Variants in RYR2 observed in about 807,000 individuals in gnomAD.
RYR2 encodes the protein cardiac muscle ryanodine receptor-calcium release channel.
RYR2 carries 227 observed loss-of-function variants against 601.1 expected under a neutral mutation model. That is an observed-to-expected ratio of 0.38 (90% CI 0.34 to 0.42). The LOEUF is 0.42. Ranked by LOEUF, RYR2 falls within the 10% of genes least tolerant of loss-of-function variation. RYR2 has a pLI of 1.00. For missense variants in RYR2, 4,646 were observed against 6,156.5 expected, an observed-to-expected ratio of 0.75 and a Z score of 8.21; for synonymous variants, 2,223 against 2,175.1, an observed-to-expected ratio of 1.02 and a Z score of -0.61.
chr1:237,314,267 T>C (rs1018055266), intron 2 of RYR2, among the ~76,000 whole-genome samples: 1 of 151,992 alleles, frequency 6.6e-6, no homozygotes. Context: ...GGTTTCACCA[T>C]GTTAGCCAGG....
At chr1:237,719,981 G>A (rs1476103536) in intron 73 of RYR2, among the ~76,000 whole-genome samples, 1 of 152,244 alleles carries the variant, frequency 6.6e-6, no homozygotes, top group Non-Finnish European at 1.5e-5. Flanking sequence ...GAGAAGAGAA[G>A]CGTGTACAGT....
intron 34 of RYR2, among the ~76,000 whole-genome samples, chr1:237,597,684 C>T (rs1159053067): frequency 6.6e-6 from 1 of 151,864 alleles, no homozygotes; most frequent in Non-Finnish European, 1.5e-5. Flanking sequence ...GAAAAAATTG[C>T]AGCAGTCACA....
At chr1:237,478,979 T>A (rs1661723556) in intron 17 of RYR2, among the ~76,000 whole-genome samples, 1 of 152,250 alleles carries the variant, frequency 6.6e-6, no homozygotes, top group Non-Finnish European at 1.5e-5. Flanking sequence ...GTTGCAGATC[T>A]GTAGAATTTC....
At chr1:237,702,291 T>TC (rs1200114646) in intron 66 of RYR2, among the ~76,000 whole-genome samples, 1 of 152,190 alleles carries the variant, frequency 6.6e-6, no homozygotes, top group East Asian at 1.9e-4. Context: ...AGACTACACT[T>TC]AATATGAAGT....
At position 237,595,665 on chromosome 1, in the gene RYR2, G is replaced by A. The variant is rs1398728274; in HGVS notation, c.4596+8G>A. On this transcript the variant is annotated splice_region_variant and intron_variant, in intron 34 of 104. Transcript: ENST00000366574. The stretch of plus-strand genomic sequence containing the variant: ...CTGAGCACATACTATCAGGTACGCG[G>A]TCAGTGATGATATCAGTCTTCTAGG... The A allele has an allele frequency of 8.1e-6, 13 of 1,604,852 alleles. No individual in the cohort carries two copies. Among genetic ancestry groups the A allele is most frequent in the African/African-American group, 4.0e-5 (3 of 74,456 alleles).
At chr1:237,544,295 T>G (rs2779376) in intron 25 of RYR2, among the ~76,000 whole-genome samples, 2 of 152,254 alleles carry the variant, frequency 1.3e-5, no homozygotes, top group East Asian at 3.9e-4. Flanking sequence ...TAAAAGCTAC[T>G]TATACCTGTT....
chr1:237,529,753 A>G (rs1572734962), intron 24 of RYR2, among the ~76,000 whole-genome samples: 1 of 137,056 alleles, frequency 7.3e-6, no homozygotes, highest in Middle Eastern at 3.6e-3. Flanking sequence ...GTAAAACAAT[A>G]ATATCATACA....
chr1:237,120,415 G>A (rs1187556183), intron 1 of RYR2, among the ~76,000 whole-genome samples: 11 of 152,154 alleles, frequency 7.2e-5, no homozygotes, highest in African/African-American at 2.2e-4. Context: ...CTGGCTCATC[G>A]TTAAAATGCA....
chr1:237,468,193 C>T (rs1207392041), intron 16 of RYR2, among the ~76,000 whole-genome samples: 1 of 152,142 alleles, frequency 6.6e-6, no homozygotes, highest in East Asian at 1.9e-4. Context: ...CTTATAGAGA[C>T]ATCTTTCTCT....
chr1:237,755,445 G>A (rs1245748362), intron 80 of RYR2, among the ~76,000 whole-genome samples: 2 of 152,042 alleles, frequency 1.3e-5, no homozygotes, highest in Admixed American at 6.5e-5. Flanking sequence ...TCTCTACCAC[G>A]CCATTTGATG....
At chr1:237,612,598 ATTC>A (rs1678004683) in intron 36 of RYR2, among the ~76,000 whole-genome samples, 1 of 152,026 alleles carries the variant, frequency 6.6e-6, no homozygotes, top group African/African-American at 2.4e-5. Flanking sequence ...TTAATTTTGT[ATTC>A]TTTTTTTTTG....
intron 3 of RYR2, among the ~76,000 whole-genome samples, chr1:237,337,469 C>T (rs1697353202): frequency 1.3e-5 from 2 of 152,136 alleles, no homozygotes; most frequent in Admixed American, 1.3e-4. Context: ...TGTATTATCT[C>T]ATAGTGGTTA....
chr1:237,126,161 A>C (rs1253623242), intron 1 of RYR2, among the ~76,000 whole-genome samples: 6 of 151,414 alleles, frequency 4.0e-5, no homozygotes, highest in Non-Finnish European at 7.4e-5. Flanking sequence ...CGCTTGAACC[A>C]GGGAGGCAGA....
chr1:237,214,033 G>T (rs1390512341), intron 1 of RYR2, among the ~76,000 whole-genome samples: 1 of 145,998 alleles, frequency 6.8e-6, no homozygotes, highest in Non-Finnish European at 1.5e-5. Context: ...CGATCCTCGT[G>T]CCTCAGTCTC....
intron 45 of RYR2, 86 bp from the exon 46 acceptor site, chr1:237,638,929 C>T: frequency 2.1e-6 from 3 of 1,433,864 alleles, no homozygotes; most frequent in East Asian, 2.4e-5. Context: ...TATTCTTATA[C>T]ATAGGAAATG....
intron 35 of RYR2, among the ~76,000 whole-genome samples, chr1:237,609,650 C>G (rs1677599970): frequency 6.6e-6 from 1 of 152,018 alleles, no homozygotes; most frequent in South Asian, 2.1e-4. Flanking sequence ...CAGGCGTGAG[C>G]CATGGTGCCT....
intron 57 of RYR2, 45 bp from the exon 58 acceptor site, chr1:237,667,838 T>C (rs1558179100): frequency 7.1e-7 from 1 of 1,400,888 alleles, no homozygotes; most frequent in East Asian, 2.5e-5. Context: ...AGCAATATTA[T>C]CCTTTTTTAC....
intron 2 of RYR2, among the ~76,000 whole-genome samples, chr1:237,288,939 T>C (rs1293829107): frequency 6.6e-6 from 1 of 152,112 alleles, no homozygotes; most frequent in Non-Finnish European, 1.5e-5. Flanking sequence ...GCCAGGCAGG[T>C]ATGGGGTGCT....
intron 34 of RYR2, among the ~76,000 whole-genome samples, chr1:237,598,302 A>G (rs1413945014): frequency 1.3e-5 from 2 of 152,212 alleles, no homozygotes; most frequent in East Asian, 3.8e-4. Context: ...TGCACTCTAG[A>G]CCAAAGGGAC....
Sources: allele counts gnomAD v4.1 joint callset (sites outside exome capture counted in the v4.1 genomes callset), GRCh38; gene constraint gnomAD v4.1.1; transcripts MANE v1.5; gene names NCBI Gene and HGNC (gene_info 2026-07-23, HGNC 2026-07-21).